NCOA7: variants seen among roughly 807,000 people sequenced by gnomAD.
NCOA7 encodes the protein 140 kDa estrogen receptor-associated protein.
A neutral mutation model predicts 104.3 loss-of-function variants in NCOA7; 45 were observed. The observed-to-expected ratio is 0.43, with a 90% CI of 0.34 to 0.55. The LOEUF (loss-of-function observed/expected upper bound fraction) is 0.55. Among genes scored for constraint, NCOA7 ranks in the 20% least tolerant of loss-of-function variants. The pLI is 0.02. For missense variants in NCOA7, 1,041 were observed against 1,119.7 expected, an observed-to-expected ratio of 0.93 and a Z score of 1.00; for synonymous variants, 398 against 402.3, an observed-to-expected ratio of 0.99 and a Z score of 0.13.
chr6:125,865,404 G>T (rs1441697479), intron 3 of NCOA7, among the ~76,000 whole-genome samples: 1 of 137,848 alleles, frequency 7.3e-6, no homozygotes, highest in Admixed American at 6.9e-5. Flanking sequence ...AAGGAAGGAA[G>T]GTAGGTAACA....
chr6:125,784,644 C>T (rs1317298265), intron 1 of NCOA7, among the ~76,000 whole-genome samples: 1 of 152,114 alleles, frequency 6.6e-6, no homozygotes, highest in Non-Finnish European at 1.5e-5. Context: ...ATTGAAATGC[C>T]CTTCAATGGG....
At chr6:125,909,314 C>T (rs1439296701) in intron 10 of NCOA7, among the ~76,000 whole-genome samples, 1 of 152,158 alleles carries the variant, frequency 6.6e-6, no homozygotes, top group Non-Finnish European at 1.5e-5. Context: ...GAATGAAATG[C>T]CATCCAGTGT....
chr6:125,893,788 G>A (rs1784796786), intron 10 of NCOA7, among the ~76,000 whole-genome samples: 1 of 152,194 alleles, frequency 6.6e-6, no homozygotes, highest in Admixed American at 6.5e-5. Context: ...TACCTTGGTA[G>A]AAGTTGTCAG....
chr6:125,866,751 A>T (rs1041099400), intron 3 of NCOA7, among the ~76,000 whole-genome samples: 1 of 152,018 alleles, frequency 6.6e-6, no homozygotes, highest in African/African-American at 2.4e-5. Context: ...TTTTATTTTC[A>T]CCAAATTTCT....
At chr6:125,901,416 G>A (rs1785488931) in intron 10 of NCOA7, among the ~76,000 whole-genome samples, 1 of 152,194 alleles carries the variant, frequency 6.6e-6, no homozygotes, top group Admixed American at 6.5e-5. Context: ...AATGTAAATG[G>A]CAATGAGATG....
rs777275727 is a variant in NCOA7 at position 125,889,843 on chromosome 6, A to G, written c.1789A>G (p.Thr597Ala). The G allele has an allele frequency of 6.8e-6, 11 of 1,613,846 alleles. No homozygotes were observed. Among genetic ancestry groups the G allele is most frequent in the Admixed American group, 3.3e-5 (2 of 59,950 alleles). Reference protein sequence around the residue: ...EPLPVKLNSSTEANVIKEALD... With the variant: ...EPLPVKLNSSAEANVIKEALD... ...CCTCCCGGTAAAACTGAACTCTTCT[A>G]CAGAAGCAAATGTGATTAAAGAGGC... is the stretch of plus-strand genomic sequence containing the variant. Residue 597 changes from threonine (T) to alanine (A), a missense_variant, in exon 9 of 16, where the codon ACA becomes GCA. By Grantham distance (58) the Thr-to-Ala change is moderately conservative. Around this residue, in one of 2 missense-constraint regions of NCOA7, gnomAD observed 914 missense variants for 942.7 expected, o/e 0.97. Coordinates refer to ENST00000392477, the MANE Select transcript of NCOA7 (RefSeq NM_181782.5).
At chr6:125,827,348 T>G (rs1186454197) in intron 2 of NCOA7, among the ~76,000 whole-genome samples, 1 of 152,170 alleles carries the variant, frequency 6.6e-6, no homozygotes, top group Non-Finnish European at 1.5e-5. Context: ...TAATCACCTC[T>G]TAACAGTGCC....
At chr6:125,828,028 G>A (rs1050600104) in intron 2 of NCOA7, among the ~76,000 whole-genome samples, 11 of 152,350 alleles carry the variant, frequency 7.2e-5, no homozygotes, top group African/African-American at 2.6e-4. Flanking sequence ...ACACAATTGG[G>A]TATGTGTAAA....
At chr6:125,786,573 C>CTTTT (rs148199881), upstream of NCOA7, among the ~76,000 whole-genome samples, 2 of 121,082 alleles carry the variant, frequency 1.7e-5, no homozygotes, top group African/African-American at 3.1e-5. Flanking sequence ...TAATCATTGT[C>CTTTT]TTTTTTTTTT....
intron 1 of NCOA7, among the ~76,000 whole-genome samples, chr6:125,804,273 A>G (rs186014258): frequency 3.3e-5 from 5 of 152,182 alleles, no homozygotes; most frequent in Non-Finnish European, 7.3e-5. Context: ...CTTTCTTTCC[A>G]TGTCTCCTGT....
At chr6:125,905,494 T>G (rs1189812388) in intron 10 of NCOA7, among the ~76,000 whole-genome samples, 1 of 152,126 alleles carries the variant, frequency 6.6e-6, no homozygotes, top group East Asian at 1.9e-4. Context: ...ACTCCTGACC[T>G]CAAATGATCT....
intron 1 of NCOA7, among the ~76,000 whole-genome samples, chr6:125,810,602 T>C (rs529159334): frequency 6.6e-6 from 1 of 152,334 alleles, no homozygotes; most frequent in African/African-American, 2.4e-5. Context: ...AGAAGCCCAT[T>C]ATGACCACTT....
At chr6:125,856,039 TCA>T (rs915475735) in intron 3 of NCOA7, among the ~76,000 whole-genome samples, 6 of 152,150 alleles carry the variant, frequency 3.9e-5, no homozygotes, top group Non-Finnish European at 5.9e-5. Flanking sequence ...TTGACCTGAA[TCA>T]CCCATCTCAC....
chr6:125,912,893 C>G (rs770496847), intron 10 of NCOA7, among the ~76,000 whole-genome samples: 3 of 152,194 alleles, frequency 2.0e-5, no homozygotes, highest in African/African-American at 7.2e-5. Context: ...ACCTATGGGG[C>G]TTGGGGTAGA....
intron 10 of NCOA7, among the ~76,000 whole-genome samples, chr6:125,892,299 C>T (rs1784679698): frequency 6.6e-6 from 1 of 152,090 alleles, no homozygotes; most frequent in Non-Finnish European, 1.5e-5. Context: ...TTGAAGCAAT[C>T]CCACACATGT....
chr6:125,785,285 C>G (rs953947274), intron 1 of NCOA7, among the ~76,000 whole-genome samples: 1 of 152,162 alleles, frequency 6.6e-6, no homozygotes, highest in Non-Finnish European at 1.5e-5. Context: ...TTGCAGTGAG[C>G]TAACACGGTG....
chr6:125,781,909 A>G (rs906218390), intron 1 of NCOA7, among the ~76,000 whole-genome samples: 2 of 152,238 alleles, frequency 1.3e-5, no homozygotes, highest in African/African-American at 2.4e-5. Flanking sequence ...AGAAAGTTGC[A>G]ACTATAGAAC....
chr6:125,813,470 A>G (rs1290864176), intron 1 of NCOA7, among the ~76,000 whole-genome samples: 1 of 116,646 alleles, frequency 8.6e-6, no homozygotes, highest in African/African-American at 3.7e-5. Context: ...TTTTTTTTTT[A>G]GACGGAGTTT....
At chr6:125,830,419 T>G (rs957022590) in intron 2 of NCOA7, among the ~76,000 whole-genome samples, 2 of 152,202 alleles carry the variant, frequency 1.3e-5, no homozygotes, top group African/African-American at 4.8e-5. Context: ...CCAGGCAAGG[T>G]GGCTTACACC....
Sources: allele counts gnomAD v4.1 joint callset (sites outside exome capture counted in the v4.1 genomes callset), GRCh38; gene constraint gnomAD v4.1.1; regional missense constraint gnomAD v4.1.1; transcripts MANE v1.5; gene names NCBI Gene and HGNC (gene_info 2026-07-23, HGNC 2026-07-21).